The following DMD variants were observed in gnomAD, a reference collection of about 807,000 sequenced individuals.
The protein encoded by DMD is mutant dystrophin.
DMD carries 63 observed loss-of-function variants against 330.1 expected under a neutral mutation model. The ratio of observed to expected loss-of-function variants is 0.19; its 90% CI spans 0.16 to 0.24. The LOEUF (loss-of-function observed/expected upper bound fraction) is 0.24. Among genes scored for constraint, DMD ranks in the 10% least tolerant of loss-of-function variants. DMD has a pLI of 1.00. For missense variants in DMD, 3,344 were observed against 2,684.1 expected (o/e 1.25, Z -5.43); for synonymous variants, 1,223 against 959.8 (o/e 1.27, Z -5.07).
At chrX:32,865,263 G>T (rs1177626310) in intron 2 of DMD, among the ~76,000 whole-genome samples, 1 of 111,167 alleles carries the variant, frequency 9.0e-6, no homozygotes, top group Non-Finnish European at 1.9e-5. Context: ...AGCCTAGGAA[G>T]GAAATATACA....
chrX:31,215,345 C>A (rs980152666), intron 64 of DMD, among the ~76,000 whole-genome samples: 3 of 109,687 alleles, frequency 2.7e-5, no homozygotes, highest in African/African-American at 1.0e-4. Flanking sequence ...GACTCAGATG[C>A]CTCTTGGGGT....
intron 41 of DMD, among the ~76,000 whole-genome samples, chrX:32,334,716 C>A (rs1024558774): frequency 9.0e-6 from 1 of 111,402 alleles, no homozygotes; most frequent in Non-Finnish European, 1.9e-5. Context: ...AAATAAGAAA[C>A]CTTTCATCAA....
rs866966254 is a variant in DMD, at chrX:31,121,460, T to G, written c.*459A>C. The stretch of plus-strand genomic sequence containing the variant: ...TGTGTGTATGTGTGTGTGTGTGTGT[T>G]TGTTTTGTTTTTAGGGGTTTTTATA... On this transcript the variant is annotated 3_prime_UTR_variant, in exon 79 of 79. Coordinates refer to ENST00000357033, the MANE Select transcript of DMD (RefSeq NM_004006.3). 9 of 157,076 alleles carry G rather than the reference T, an allele frequency of 5.7e-5. No homozygotes were observed. The highest frequency in any genetic ancestry group is 4.2e-4 in the South Asian group (3 of 7,217). 12.9% of individuals were successfully genotyped at this position (157,076 alleles called of 1,213,427 possible).
chrX:33,101,466 C>CT (rs998151685), intron 1 of DMD, among the ~76,000 whole-genome samples: 2 of 111,641 alleles, frequency 1.8e-5, no homozygotes, highest in African/African-American at 6.5e-5. Flanking sequence ...CCCGTCTCTA[C>CT]TAAAAAATAC....
At chrX:31,267,339 C>T (rs993449836) in intron 62 of DMD, among the ~76,000 whole-genome samples, 4 of 111,953 alleles carry the variant, frequency 3.6e-5, no homozygotes, top group Non-Finnish European at 5.6e-5. Flanking sequence ...AATTCTCACT[C>T]TCCCTTCCTC....
intron 55 of DMD, among the ~76,000 whole-genome samples, chrX:31,515,536 C>T (rs758229516): frequency 9.4e-6 from 1 of 106,761 alleles, no homozygotes; most frequent in South Asian, 3.9e-4. Context: ...TTTAAATTAG[C>T]TTGATGGGAA....
At chrX:31,172,890 G>A (rs2040137732) in intron 72 of DMD, among the ~76,000 whole-genome samples, 1 of 111,658 alleles carries the variant, frequency 9.0e-6, no homozygotes, top group African/African-American at 3.2e-5. Context: ...TAAACATTCT[G>A]CCACCAATTT....
intron 44 of DMD, among the ~76,000 whole-genome samples, chrX:32,028,459 G>A (rs1196943162): frequency 9.0e-6 from 1 of 110,858 alleles, no homozygotes; most frequent in Non-Finnish European, 1.9e-5. Context: ...ACTTTTTGAG[G>A]AATATTAAAG....
chrX:31,458,318 A>C (rs1292055697), intron 59 of DMD, among the ~76,000 whole-genome samples: 3 of 110,770 alleles, frequency 2.7e-5, no homozygotes, highest in Non-Finnish European at 5.7e-5. Context: ...TAAAATTGAT[A>C]TTTTCAAGAT....
chrX:31,872,289 T>C (rs776600434), intron 48 of DMD, among the ~76,000 whole-genome samples: 1 of 111,075 alleles, frequency 9.0e-6, no homozygotes, highest in Non-Finnish European at 1.9e-5. Context: ...TCTCAGAAAC[T>C]ACACACAGCA....
At chrX:33,025,593 C>T (rs2093981599) in intron 1 of DMD, among the ~76,000 whole-genome samples, 2 of 112,172 alleles carry the variant, frequency 1.8e-5, no homozygotes, top group African/African-American at 3.2e-5. Context: ...CGCTCTGTTC[C>T]CCAGGCTGGA....
intron 1 of DMD, among the ~76,000 whole-genome samples, chrX:33,050,135 A>T (rs1222043114): frequency 3.6e-5 from 4 of 111,781 alleles, no homozygotes; most frequent in African/African-American, 1.3e-4. Flanking sequence ...TATTTATTCT[A>T]TTGGATGTTT....
rs773603482 is a variant in DMD at position 32,717,205 on chromosome X, C to A, written c.650-17912G>T. 2.7e-5 allele frequency among the ~76,000 whole-genome samples: 3 copies of A among 111,282 alleles called. No individual in the cohort carries two copies. In the South Asian group the frequency reaches 1.2e-3, roughly 43 times the overall value. ...GAAAATGCCCAAAGGCATTTCAGAA[C>A]CCTTTGCAGCAGCCCCTCCTATCAC... On this transcript the variant is annotated intron_variant, in intron 7 of 78. Transcript: ENST00000357033.
At chrX:32,682,493 T>G (rs2062502068) in intron 9 of DMD, among the ~76,000 whole-genome samples, 1 of 111,838 alleles carries the variant, frequency 8.9e-6, no homozygotes, top group Non-Finnish European at 1.9e-5. Flanking sequence ...ACATTTCTAT[T>G]AGCGAGTATT....
intron 30 of DMD, among the ~76,000 whole-genome samples, chrX:32,397,385 C>G (rs1314286553): frequency 1.8e-5 from 2 of 111,827 alleles, no homozygotes. Flanking sequence ...ATCACGGATA[C>G]TGATGTGAAC....
At chrX:32,875,588 A>T in intron 2 of DMD, among the ~76,000 whole-genome samples, 1 of 112,380 alleles carries the variant, frequency 8.9e-6, no homozygotes. Context: ...TTAGTGAGTG[A>T]ATGAATAAAT....
chrX:32,484,881 G>A (rs371406721), intron 21 of DMD, 38 bp downstream of exon 21: 1 of 1,182,735 alleles, frequency 8.5e-7, no homozygotes, highest in East Asian at 3.0e-5. Flanking sequence ...AACCATTTTG[G>A]AAAATGTCAA....
intron 7 of DMD, among the ~76,000 whole-genome samples, chrX:32,710,655 A>C (rs1456478249): frequency 9.0e-6 from 1 of 111,257 alleles, no homozygotes; most frequent in East Asian, 2.8e-4. Context: ...ATTTTCAAAA[A>C]TAATATTGAC....
At chrX:31,857,285 AG>A (rs1332855925) in intron 48 of DMD, among the ~76,000 whole-genome samples, 2 of 102,040 alleles carry the variant, frequency 2.0e-5, no homozygotes, top group Non-Finnish European at 3.9e-5. Flanking sequence ...AGTCTGAGGC[AG>A]GAGAATCCCT....
Sources: gnomAD v4.1 joint callset for allele counts (sites outside exome capture counted in the v4.1 genomes callset) on GRCh38, gnomAD v4.1.1 for gene constraint, MANE v1.5 for transcripts, NCBI Gene and HGNC (gene_info 2026-07-23, HGNC 2026-07-21) for gene names.